TNXB: variants seen among roughly 807,000 people sequenced by gnomAD.
TNXB encodes tenascin XB, also known as tenascin-X.
Under a neutral mutation model 340.5 loss-of-function variants are expected in TNXB, and 183 were observed. The ratio of observed to expected loss-of-function variants is 0.54; its 90% confidence interval spans 0.48 to 0.61. The LOEUF is 0.61. Ranked by LOEUF, TNXB falls within the 20% of genes least tolerant of loss-of-function variation. The pLI, the probability that TNXB is intolerant of heterozygous loss-of-function variation, is 0.00. For missense variants in TNXB, 4,613 were observed against 5,446.4 expected (o/e 0.85, Z 4.82); for synonymous variants, 2,121 against 2,314.5 (o/e 0.92, Z 2.40).
In TNXB at chr6:32,099,225, CT is replaced by C. The variant is rs1329014305; in HGVS notation, c.-8-1020del. On this transcript the variant is annotated intron_variant, in intron 1 of 43. Transcript: ENST00000644971. Reference sequence around the variant, plus strand: ...GAAAAGTGCAGATTATCTTCTCCCTCTCTCTCTCACTTTTTTTTTTTTTTTT... The same window carrying C: ...GAAAAGTGCAGATTATCTTCTCCCTCCTCTCTCACTTTTTTTTTTTTTTTT... Among the ~76,000 whole-genome samples, 24 of 118,204 alleles carry C rather than the reference CT, an allele frequency of 2.0e-4. No individual in the cohort carries two copies. The South Asian group carries it at 4.8e-3, about 24-fold the overall frequency. 77.5% of individuals were successfully genotyped at this position (118,204 alleles called of 152,430 possible).
chr6:32,068,844 A>G lies in TNXB; in HGVS notation c.5880T>C (p.Pro1960=). Residue 1960 remains proline (P), a synonymous_variant, in exon 16 of 44, where the codon CCT becomes CCC. Transcript: ENST00000644971. The surrounding 1 kb of genome is among the most constrained non-coding windows in gnomAD (Gnocchi z 5.3). Reference sequence around the variant, plus strand: ...CACCTGTCAGGGCCTCGACATGGACAGGACCTACATGCTTCCCATCACTGA... The same window carrying G: ...CACCTGTCAGGGCCTCGACATGGACGGGACCTACATGCTTCCCATCACTGA... ...YGFSDGKHVG[P]VHVEALTVPE... is the part of the protein sequence containing the mutation. 6.2e-7 allele frequency: 1 copy of G among 1,609,430 alleles called. No homozygotes were observed. The highest frequency in any genetic ancestry group is 8.5e-7 in the Non-Finnish European group (1 of 1,177,016).
chr6:32,046,116 C>A lies in TNXB; in HGVS notation c.10606+59G>T. On this transcript the variant is annotated intron_variant, in intron 31 of 43. Transcript: ENST00000644971. The surrounding 1 kb of genome is among the most constrained non-coding windows in gnomAD (Gnocchi z 6.9). ...CCTGCAGTCATCTTTGTCTTCAGCC[C>A]AAATGCACAAGGAAACCCACACAAG... 6.5e-7 allele frequency: 1 copy of A among 1,543,146 alleles called. No individual in the cohort carries two copies. Among genetic ancestry groups the A allele is most frequent in the African/African-American group, 1.4e-5 (1 of 73,750 alleles).
At position 32,084,435 on chromosome 6, in the gene TNXB, C is replaced by T. The variant is rs747263738; in HGVS notation, c.3423G>A (p.Pro1141=). The change falls in exon 8 of 44, where the codon CCG becomes CCA. Residue 1141 remains proline (P), a synonymous_variant. Transcript: ENST00000644971. This position sits in a 1 kb window ranked among gnomAD's most constrained non-coding sequence, Gnocchi z 5.5. ...YGFVGKKRHG[P]LVAEAKILPQ... is the part of the protein sequence containing the mutation. The stretch of plus-strand genomic sequence containing the variant: ...CACAGATCTTGGCTTCAGCCACCAG[C>T]GGACCATGCCTCTTCTTGCCAACAA... 1.2e-5 allele frequency: 19 copies of T among 1,592,628 alleles called. No homozygotes were observed. The highest frequency in any genetic ancestry group is 3.3e-4 in the Middle Eastern group (2 of 6,038).
Position 32,069,728 on chromosome 6 carries a change from G to C in TNXB, c.5412C>G (p.Asp1804Glu). Residue 1804 changes from aspartate to glutamate, a missense_variant, in exon 15 of 44, where the codon GAC (aspartate) becomes GAG (glutamate). Asp to Glu is a conservative substitution (Grantham distance 45, BLOSUM62 2). This residue lies in a region of TNXB where 4,327 missense variants were observed against 4,859.4 expected (regional missense o/e 0.89). Transcript: ENST00000644971. This position sits in a 1 kb window ranked among gnomAD's most constrained non-coding sequence, Gnocchi z 6.2. ...LSWTVPEGQF[D>E]SFVVQYKDRD... ...TGTCTTTGTACTGGACCACAAAGGA[G>C]TCAAACTGGCCCTCAGGGACTGTCC... is the stretch of plus-strand genomic sequence containing the variant. 1 of 1,613,160 alleles carries C rather than the reference G, an allele frequency of 6.2e-7. No homozygotes were observed. Among genetic ancestry groups the C allele is most frequent in the African/African-American group, 1.3e-5 (1 of 74,946 alleles).
chr6:32,061,249 C>T lies in TNXB; in HGVS notation c.7492+148G>A. On this transcript the variant is annotated intron_variant, in intron 21 of 43. Coordinates refer to ENST00000644971, the MANE Select transcript of TNXB (RefSeq NM_001365276.2). The surrounding 1 kb of genome is among the most constrained non-coding windows in gnomAD (Gnocchi z 4.4). ...CACGCCAAAGTGAACAAGCAAACCGCTAGCATAGGCCACAGCCACAGGGCA... is the reference window on the plus strand; with the variant it reads ...CACGCCAAAGTGAACAAGCAAACCGTTAGCATAGGCCACAGCCACAGGGCA... 7.9e-7 allele frequency: 1 copy of T among 1,273,696 alleles called. No individual in the cohort carries two copies. The highest frequency in any genetic ancestry group is 1.1e-6 in the Non-Finnish European group (1 of 935,018). The allele number at this position is 1,273,696 out of a possible 1,614,324, so 78.9% of individuals were successfully genotyped here. A position where few individuals can be genotyped will look rare whatever the true frequency, so the allele number is the denominator to read the frequency against.
Position 32,073,518 on chromosome 6 carries a change from G to T in TNXB, c.4681+129C>A. 1.3e-6 allele frequency: 1 copy of T among 789,066 alleles called. No individual in the cohort carries two copies. The highest frequency in any genetic ancestry group is 2.0e-6 in the Non-Finnish European group (1 of 505,472). The allele number at this position is 789,066 out of a possible 1,614,324, so 48.9% of individuals were successfully genotyped here. A position where few individuals can be genotyped will look rare whatever the true frequency, so the allele number is the denominator to read the frequency against. On this transcript the variant is annotated intron_variant, in intron 12 of 43. Coordinates refer to ENST00000644971, the MANE Select transcript of TNXB (RefSeq NM_001365276.2). The surrounding 1 kb of genome is among the most constrained non-coding windows in gnomAD (Gnocchi z 4.6). ...ACAGAAAGACTGGCAGGGTCACCGA[G>T]CCAGGGCCTGAGGGGATCTAGCCCC...
chr6:32,046,200 G>T lies in TNXB; in HGVS notation c.10581C>A (p.Gly3527=), dbSNP rs749915719. ...LYGLLGGKRL[G]PVSALGMTAP... ...CTGTCATTCCCAGGGCAGAGACCGG[G>T]CCCAGGCGCTTTCCCCCAAGGAGCC... Residue 3527 remains glycine (G), a synonymous_variant, in exon 31 of 44, where the codon GGC becomes GGA. Coordinates refer to ENST00000644971, the MANE Select transcript of TNXB (RefSeq NM_001365276.2). This position sits in a 1 kb window ranked among gnomAD's most constrained non-coding sequence, Gnocchi z 6.9. The T allele has an allele frequency of 1.3e-5, 20 of 1,591,094 alleles. No individual in the cohort carries two copies. Among genetic ancestry groups the T allele is most frequent in the Admixed American group, 1.7e-5 (1 of 59,784 alleles).
chr6:32,053,370 C>T lies in TNXB; in HGVS notation c.8791+18G>A. 6.2e-7 allele frequency: 1 copy of T among 1,607,908 alleles called. No individual in the cohort carries two copies. The highest frequency in any genetic ancestry group is 8.5e-7 in the Non-Finnish European group (1 of 1,177,012). ...CCCTCCCACAGGCCCCACTCTGGGG[C>T]TCCCATCGTACACTCACCTGTCACC... On this transcript the variant is annotated intron_variant, in intron 25 of 43. Transcript: ENST00000644971.
intron 1 of TNXB, among the ~76,000 whole-genome samples, chr6:32,103,240 C>A (rs3117181): frequency 1.3e-5 from 2 of 151,678 alleles, no homozygotes; most frequent in Non-Finnish European, 2.9e-5. Context: ...GGCGATCATG[C>A]TGAAACCCCG....
chr6:32,071,945 G>A lies in TNXB; in HGVS notation c.4990+45C>T, dbSNP rs753541549. 1.2e-5 allele frequency: 18 copies of A among 1,499,570 alleles called. No individual in the cohort carries two copies. In the East Asian group the frequency reaches 4.1e-4, roughly 34 times the overall value. The allele number at this position is 1,499,570 out of a possible 1,614,324, so 92.9% of individuals were successfully genotyped here. A position where few individuals can be genotyped will look rare whatever the true frequency, so the allele number is the denominator to read the frequency against. ...AGCAGAGGGAGTGAAGAGAAGGGTG[G>A]GAAGGCTGTGGCCTCAGGCTCAGCT... On this transcript the variant is annotated intron_variant, in intron 13 of 43. Transcript: ENST00000644971.
rs1261323401 is a variant in TNXB, at chr6:32,083,299, T to G, written c.3446-973A>C. ...TGTGAGTGTAGGCTGTCGACAGGGT[T>G]CCAGTGGCCCTGTCTCTTCCCCAAC... On this transcript the variant is annotated intron_variant, in intron 8 of 43. Coordinates refer to ENST00000644971, the MANE Select transcript of TNXB (RefSeq NM_001365276.2). This position sits in a 1 kb window ranked among gnomAD's most constrained non-coding sequence, Gnocchi z 4.6. Among the ~76,000 whole-genome samples the G allele has an allele frequency of 1.3e-5, 2 of 151,952 alleles. No homozygotes were observed. The highest frequency in any genetic ancestry group is 2.9e-5 in the Non-Finnish European group (2 of 67,988).
Position 32,087,198 on chromosome 6 carries a change from G to A in TNXB, c.2780-1080C>T. 4.2e-6 allele frequency: 2 copies of A among 472,308 alleles called. No homozygotes were observed. Among genetic ancestry groups the A allele is most frequent in the Non-Finnish European group, 8.4e-6 (2 of 236,888 alleles). The allele number at this position is 472,308 out of a possible 1,614,324, so 29.3% of individuals were successfully genotyped here. A position where few individuals can be genotyped will look rare whatever the true frequency, so the allele number is the denominator to read the frequency against. On this transcript the variant is annotated intron_variant, in intron 6 of 43. Transcript: ENST00000644971. This position sits in a 1 kb window ranked among gnomAD's most constrained non-coding sequence, Gnocchi z 9.0. The stretch of plus-strand genomic sequence containing the variant: ...GGAATTCATGAATGCAGGCTCCAAC[G>A]GCAGGTGAGGCTGGACAAGGGATAG...
At position 32,052,967 on chromosome 6, in the gene TNXB, T is replaced by C; in HGVS notation, c.8818A>G (p.Thr2940Ala). The change falls in exon 26 of 44, where the codon ACA (threonine) becomes GCA (alanine). Residue 2940 changes from threonine to alanine, a missense_variant. Thr to Ala is a moderately conservative substitution (Grantham distance 58). Transcript: ENST00000644971. The surrounding 1 kb of genome is among the most constrained non-coding windows in gnomAD (Gnocchi z 4.7). ...TCCGGGGCCTCCGTGCTGGGTTCTG[T>C]GGGGGCGGGAGTTTCTTCCTCTGCA... ...TAAEEETPAP[T>A]EPSTEAPEPP... 1.9e-6 allele frequency: 3 copies of C among 1,611,532 alleles called. No individual in the cohort carries two copies. The highest frequency in any genetic ancestry group is 2.5e-6 in the Non-Finnish European group (3 of 1,179,368).
In TNXB at chr6:32,053,462, T is replaced by C; in HGVS notation, c.8717A>G (p.His2906Arg). Residue 2906 changes from histidine (H) to arginine (R), a missense_variant, in exon 25 of 44, where the codon CAC becomes CGC. Physicochemically the swap from His to Arg is conservative, Grantham distance 29. This residue lies in a region of TNXB where 4,327 missense variants were observed against 4,859.4 expected (regional missense o/e 0.89). Transcript: ENST00000644971. ...GCCGTACAGGTTCATCTTGTACTTG[T>C]GGTCTGGCTCCAGGCCTGAGATGGT... ...GVTISGLEPD[H>R]KYKMNLYGFH... 1.2e-6 allele frequency: 2 copies of C among 1,613,288 alleles called. No individual in the cohort carries two copies. Among genetic ancestry groups the C allele is most frequent in the Non-Finnish European group, 1.7e-6 (2 of 1,179,868 alleles).
chr6:32,065,158 G>A (rs778130066), intron 18 of TNXB, 41 bp from the exon 19 acceptor site: 123 of 1,493,388 alleles, frequency 8.2e-5, no homozygotes, highest in Non-Finnish European at 1.1e-4. Context: ...CTTGCTGCAA[G>A]GAGGTGTTGA....
In TNXB at chr6:32,085,451, A is replaced by G. The variant is rs1172526360; in HGVS notation, c.3148+299T>C. 1.3e-5 allele frequency among the ~76,000 whole-genome samples: 2 copies of G among 152,154 alleles called. No individual in the cohort carries two copies. Among genetic ancestry groups the G allele is most frequent in the Non-Finnish European group, 2.9e-5 (2 of 68,010 alleles). On this transcript the variant is annotated intron_variant, in intron 7 of 43. Transcript: ENST00000644971. The surrounding 1 kb of genome is among the most constrained non-coding windows in gnomAD (Gnocchi z 6.4). ...CAGGGGACAGGGCAAGGAAAGCTGC[A>G]GGTGGAGGGCCAGGGACCTTCAGCC...
intron 3 of TNXB, 93 bp downstream of exon 3, chr6:32,095,518 T>C: frequency 6.8e-7 from 1 of 1,480,794 alleles, no homozygotes; most frequent in Non-Finnish European, 9.2e-7. Flanking sequence ...TGACATGCTC[T>C]CCCTCCACTC....
intron 1 of TNXB, among the ~76,000 whole-genome samples, chr6:32,104,584 C>T (rs1251119302): frequency 1.3e-5 from 2 of 152,136 alleles, no homozygotes; most frequent in African/African-American, 4.8e-5. Flanking sequence ...CATTCTAATC[C>T]AAGCTTCCAT....
In TNXB at chr6:32,075,151, C is replaced by T. The variant is rs1320895365; in HGVS notation, c.4376-1199G>A. On this transcript the variant is annotated intron_variant, in intron 11 of 43. Transcript: ENST00000644971. This position sits in a 1 kb window ranked among gnomAD's most constrained non-coding sequence, Gnocchi z 4.6. Reference sequence around the variant, plus strand: ...ACCACTGGCTCCTCCTGGATTATCACAACATTCTCTCAGGTCATCGCCTTC... The same window carrying T: ...ACCACTGGCTCCTCCTGGATTATCATAACATTCTCTCAGGTCATCGCCTTC... 6.6e-6 allele frequency among the ~76,000 whole-genome samples: 1 copy of T among 152,222 alleles called. No homozygotes were observed. The highest frequency in any genetic ancestry group is 1.5e-5 in the Non-Finnish European group (1 of 68,038).
Sources: allele counts gnomAD v4.1 joint callset (sites outside exome capture counted in the v4.1 genomes callset), GRCh38; gene constraint gnomAD v4.1.1; regional missense constraint gnomAD v4.1.1; non-coding constraint Gnocchi (gnomAD v3.1); transcripts MANE v1.5; gene names NCBI Gene and HGNC (gene_info 2026-07-23, HGNC 2026-07-21).